NFIB: variants seen among roughly 807,000 people sequenced by gnomAD.
NFIB encodes nuclear factor I B.
In NFIB, 11 loss-of-function variants were observed where a neutral mutation model predicts 61.5. The observed-to-expected ratio is 0.18, with a 90% CI of 0.11 to 0.30. The LOEUF (loss-of-function observed/expected upper bound fraction) is 0.30, where lower values mean the gene tolerates loss of function less well. Ranked by LOEUF, NFIB falls within the 10% of genes least tolerant of loss-of-function variation. The pLI is 1.00. For synonymous variants in NFIB, 260 were observed against 216.5 expected (o/e 1.20, Z -1.76); for missense variants, 471 against 608.9 (o/e 0.77, Z 2.38).
chr9:14,461,332 G>A, the NFIB span, among the ~76,000 whole-genome samples: 3 of 152,188 alleles, frequency 2.0e-5, no homozygotes, highest in African/African-American at 4.8e-5. Context: ...GAGGAACACA[G>A]GTGATAGGAA....
At chr9:14,171,841 G>C (rs2045597762) in intron 3 of NFIB, among the ~76,000 whole-genome samples, 2 of 152,182 alleles carry the variant, frequency 1.3e-5, no homozygotes, top group Admixed American at 6.5e-5. Flanking sequence ...TTAGGAGAGA[G>C]AGGTATTTCA....
chr9:14,150,617 C>G (rs775114512), intron 4 of NFIB, among the ~76,000 whole-genome samples: 17 of 152,064 alleles, frequency 1.1e-4, no homozygotes, highest in Non-Finnish European at 2.2e-4. Context: ...TCCTATCACT[C>G]AGCAACACCA....
At chr9:14,345,398 T>C (rs2061006279) in intron 1 of NFIB, among the ~76,000 whole-genome samples, 1 of 152,168 alleles carries the variant, frequency 6.6e-6, no homozygotes, top group Non-Finnish European at 1.5e-5. Flanking sequence ...CCAGCTCTTT[T>C]TCTTAATCCC....
chr9:14,328,345 C>T (rs1447799190), intron 1 of NFIB, among the ~76,000 whole-genome samples: 1 of 152,066 alleles, frequency 6.6e-6, no homozygotes, highest in African/African-American at 2.4e-5. Context: ...GGGATGTAAC[C>T]ATGTTGCCTA....
chr9:14,216,909 T>A (rs1253626991), intron 2 of NFIB, among the ~76,000 whole-genome samples: 1 of 152,254 alleles, frequency 6.6e-6, no homozygotes. Context: ...CACATGGTGC[T>A]TTACACTGAA....
At chr9:14,259,743 A>C (rs983826464) in intron 2 of NFIB, among the ~76,000 whole-genome samples, 14 of 151,338 alleles carry the variant, frequency 9.3e-5, no homozygotes, top group African/African-American at 3.2e-4. Context: ...TCTACTAAAA[A>C]TACAAAAAAA....
the NFIB span, among the ~76,000 whole-genome samples, chr9:14,480,930 G>T: frequency 6.6e-6 from 1 of 151,736 alleles, no homozygotes; most frequent in Non-Finnish European, 1.5e-5. Context: ...TCAGATCCAG[G>T]CTTTAAAATT....
the NFIB span, among the ~76,000 whole-genome samples, chr9:14,474,484 C>T: frequency 6.6e-6 from 1 of 152,184 alleles, no homozygotes; most frequent in South Asian, 2.1e-4. Flanking sequence ...CCATCTATAG[C>T]ATTCGCCCCG....
At chr9:14,526,425 T>C in the NFIB span, among the ~76,000 whole-genome samples, 1 of 152,290 alleles carries the variant, frequency 6.6e-6, no homozygotes, top group South Asian at 2.1e-4. Flanking sequence ...GCATTTAAAA[T>C]GCAATAAAAT....
chr9:14,251,611 T>C (rs1413918656), intron 2 of NFIB, among the ~76,000 whole-genome samples: 2 of 152,218 alleles, frequency 1.3e-5, no homozygotes, highest in African/African-American at 2.4e-5. Flanking sequence ...TAGGCATCAC[T>C]TCACTGTTAG....
At position 14,084,717 on chromosome 9, in the gene NFIB, G is replaced by A. The variant is rs747293705; in HGVS notation, c.*3592C>T. Reference sequence around the variant, plus strand: ...AGCTCTGCAGTTCTGGGTAAGGGAGGGGCGTGCAAGACCTGCAAAAGTGGG... The same window carrying A: ...AGCTCTGCAGTTCTGGGTAAGGGAGAGGCGTGCAAGACCTGCAAAAGTGGG... On this transcript the variant is annotated 3_prime_UTR_variant, in exon 11 of 11. Coordinates refer to ENST00000380953, the MANE Select transcript of NFIB (RefSeq NM_001190737.2). The A allele has an allele frequency of 1.7e-4, 38 of 229,696 alleles. No homozygotes were observed. The highest frequency in any genetic ancestry group is 2.9e-4 in the Non-Finnish European group (34 of 115,890). The allele number at this position is 229,696 out of a possible 1,614,324, so 14.2% of individuals were successfully genotyped here.
chr9:14,349,030 CGCTTGGACTCGCT>C (rs2061071221), intron 1 of NFIB, among the ~76,000 whole-genome samples: 1 of 152,226 alleles, frequency 6.6e-6, no homozygotes, highest in Non-Finnish European at 1.5e-5. Flanking sequence ...ACTCCACCGA[CGCTTGGACTCGCT>C]GCAACCCAGG....
intron 2 of NFIB, among the ~76,000 whole-genome samples, chr9:14,202,128 T>TCACACACACACACACACA (rs3080833): frequency 6.8e-6 from 1 of 147,078 alleles, no homozygotes. Context: ...TTGATACTTT[T>TCACACACACACACACACA]CACACACACA....
At chr9:14,367,607 G>C (rs1036952517) in intron 1 of NFIB, among the ~76,000 whole-genome samples, 12 of 152,038 alleles carry the variant, frequency 7.9e-5, no homozygotes, top group Admixed American at 4.6e-4. Context: ...ATACATGAGA[G>C]GGCAAAGACT....
the NFIB span, among the ~76,000 whole-genome samples, chr9:14,446,444 T>C: frequency 6.6e-6 from 1 of 152,216 alleles, no homozygotes; most frequent in African/African-American, 2.4e-5. Context: ...TGTTTTGTTA[T>C]CTTATGCTTC....
chr9:14,429,535 G>C, the NFIB span, among the ~76,000 whole-genome samples: 11 of 152,224 alleles, frequency 7.2e-5, no homozygotes, highest in Non-Finnish European at 1.0e-4. Flanking sequence ...ACAGTTAGGA[G>C]CACCGGCAGA....
chr9:14,482,477 G>A, the NFIB span, among the ~76,000 whole-genome samples: 1 of 152,178 alleles, frequency 6.6e-6, no homozygotes, highest in Non-Finnish European at 1.5e-5. Context: ...TTCTTAGGAA[G>A]ATGAATCAGG....
At chr9:14,155,492 A>G (rs2043293247) in intron 4 of NFIB, among the ~76,000 whole-genome samples, 1 of 152,172 alleles carries the variant, frequency 6.6e-6, no homozygotes, top group African/African-American at 2.4e-5. Flanking sequence ...GTGGGTTATC[A>G]TAACAACATA....
the NFIB span, among the ~76,000 whole-genome samples, chr9:14,499,012 A>G: frequency 6.6e-6 from 1 of 150,904 alleles, no homozygotes; most frequent in Non-Finnish European, 1.5e-5. Context: ...GTGTGTGTGT[A>G]CGTGCACATG....
Sources: allele counts gnomAD v4.1 joint callset (sites outside exome capture counted in the v4.1 genomes callset), GRCh38; gene constraint gnomAD v4.1.1; transcripts MANE v1.5; gene names NCBI Gene and HGNC (gene_info 2026-07-23, HGNC 2026-07-21).